The following VPS33A variants were observed in gnomAD, a reference collection of about 807,000 sequenced individuals.
VPS33A encodes the protein vacuolar protein sorting-associated protein 33A.
A neutral mutation model predicts 71.8 loss-of-function variants in VPS33A; 32 were observed. That is an observed-to-expected ratio of 0.45 (90% CI 0.34 to 0.60). The LOEUF is 0.60. Among genes scored for constraint, VPS33A ranks in the 20% least tolerant of loss-of-function variants. The pLI, the probability that VPS33A is intolerant of heterozygous loss-of-function variation, is 0.02. For synonymous variants in VPS33A, 311 were observed against 292.7 expected, an observed-to-expected ratio of 1.06 and a Z score of -0.64; for missense variants, 625 against 748.5, an observed-to-expected ratio of 0.84 and a Z score of 1.92.
At chr12:122,241,511 G>A (rs1042418556) in intron 8 of VPS33A, among the ~76,000 whole-genome samples, 1 of 151,776 alleles carries the variant, frequency 6.6e-6, no homozygotes, top group Non-Finnish European at 1.5e-5. Flanking sequence ...CACTATGTTG[G>A]CCAGGCTGGT....
chr12:122,246,130 C>T (rs1486194894), intron 6 of VPS33A, among the ~76,000 whole-genome samples: 2 of 152,046 alleles, frequency 1.3e-5, no homozygotes, highest in African/African-American at 4.8e-5. Flanking sequence ...GCAACATGTA[C>T]CAAGTGCCTT....
intron 4 of VPS33A, among the ~76,000 whole-genome samples, chr12:122,255,707 CAAAAAAAAAAA>C (rs71082953): frequency 1.4e-4 from 5 of 35,470 alleles, no homozygotes; most frequent in African/African-American, 4.0e-4. Context: ...GACTCCGTCT[CAAAAAAAAAAA>C]AAAAAAAAAA....
rs544771968 is a variant in VPS33A, at chr12:122,253,865, G to A, written c.484-2766C>T. On this transcript the variant is annotated intron_variant, in intron 4 of 12. Transcript: ENST00000267199. Reference sequence around the variant, plus strand: ...GGTGCCCACCACCATGCCTGGCTAAGTTTTTGTGTTTTTAATAGAGATGGG... The same window carrying A: ...GGTGCCCACCACCATGCCTGGCTAAATTTTTGTGTTTTTAATAGAGATGGG... 2.2e-4 allele frequency among the ~76,000 whole-genome samples: 34 copies of A among 151,892 alleles called. 1 individual carries two copies. The East Asian group carries it at 4.3e-3, about 19-fold the overall frequency.
chr12:122,245,789 A>G (rs1220400382), intron 6 of VPS33A, among the ~76,000 whole-genome samples: 3 of 152,190 alleles, frequency 2.0e-5, no homozygotes, highest in Non-Finnish European at 4.4e-5. Context: ...ACATGGCCAC[A>G]GCTATTCTTT....
chr12:122,261,412 A>T lies in VPS33A; in HGVS notation c.332T>A (p.Ile111Asn). 1 of 1,613,824 alleles carries T rather than the reference A, an allele frequency of 6.2e-7. No individual in the cohort carries two copies. Among genetic ancestry groups the T allele is most frequent in the Non-Finnish European group, 8.5e-7 (1 of 1,179,940 alleles). The change falls in exon 4 of 13, where the codon ATT becomes AAT. Residue 111 changes from isoleucine (I) to asparagine (N), a missense_variant. Physicochemically the swap from Ile to Asn is moderately radical, Grantham distance 149. Transcript: ENST00000267199. ...DRRGPTRDFH[I>N]LFVPRRSLLC... ...CAGGCTACGGCGTGGCACAAACAGA[A>T]TATGAAAATCTCTCGTTGGGCCTCG...
rs1226023727 is a variant in VPS33A, at chr12:122,266,480, G to C, written c.-72C>G. On this transcript the variant is annotated 5_prime_UTR_variant, in exon 1 of 13. Transcript: ENST00000267199. ...TTCCTACGGGAGGACCACGGACGCA[G>C]TCACGTGACCAAACGTCCACGTGAC... The C allele has an allele frequency of 1.9e-6, 3 of 1,560,386 alleles. No individual in the cohort carries two copies. The highest frequency in any genetic ancestry group is 2.6e-6 in the Non-Finnish European group (3 of 1,147,202).
chr12:122,241,149 A>G (rs1954708765), intron 8 of VPS33A: 1 of 151,882 alleles, frequency 6.6e-6, no homozygotes, highest in African/African-American at 2.4e-5. Context: ...AAAAAAAAAA[A>G]AGAAAAAAAG....
chr12:122,237,539 T>TC (rs201249902), intron 10 of VPS33A, among the ~76,000 whole-genome samples: 5,136 of 144,534 alleles, frequency 0.036, 310 homozygotes, highest in African/African-American at 0.12. Flanking sequence ...TTTTTCTTTT[T>TC]TTTTTTTTTT....
intron 4 of VPS33A, among the ~76,000 whole-genome samples, chr12:122,257,968 T>TA (rs1419696640): frequency 6.6e-6 from 1 of 152,040 alleles, no homozygotes; most frequent in Non-Finnish European, 1.5e-5. Flanking sequence ...ATGAGGAAAA[T>TA]ACAGTCTTTT....
intron 5 of VPS33A, 52 bp downstream of exon 5, chr12:122,250,930 CT>C: frequency 1.5e-6 from 2 of 1,343,450 alleles, no homozygotes; most frequent in Non-Finnish European, 2.1e-6. Flanking sequence ...TTCCTCCTCC[CT>C]TTTGGGGTGT....
intron 2 of VPS33A, 87 bp downstream of exon 2, chr12:122,264,047 T>C (rs1592934922): frequency 9.1e-6 from 11 of 1,209,502 alleles, no homozygotes; most frequent in Non-Finnish European, 1.3e-5. Context: ...TGCAAACCAA[T>C]GATTCAGGAA....
intron 2 of VPS33A, 59 bp from the exon 3 acceptor site, chr12:122,263,758 A>C (rs1013213399): frequency 1.3e-6 from 2 of 1,500,832 alleles, no homozygotes; most frequent in Middle Eastern, 1.8e-4. Flanking sequence ...TATAATTTTC[A>C]GACTCAGAAA....
intron 1 of VPS33A, 33 bp from the exon 2 acceptor site, chr12:122,264,232 G>C: frequency 6.9e-7 from 1 of 1,451,954 alleles, no homozygotes; most frequent in Non-Finnish European, 9.3e-7. Context: ...TCTTATTATA[G>C]TTAATATCAG....
chr12:122,232,339 C>G lies in VPS33A; in HGVS notation c.1698G>C (p.Gln566His), dbSNP rs781643343. The change falls in exon 13 of 13, where the codon CAG becomes CAC. Residue 566 changes from glutamine (Q) to histidine (H), a missense_variant. Coordinates refer to ENST00000267199, the MANE Select transcript of VPS33A (RefSeq NM_022916.6). ...CATATTCTGTACCTCCATCTTCCAA[C>G]TGGGAGAGAAATCGCAGGGCAGCAA... ...AEIAALRFLS[Q>H]LEDGGTEYVI... The G allele has an allele frequency of 6.2e-7, 1 of 1,614,220 alleles. No individual in the cohort carries two copies. The highest frequency in any genetic ancestry group is 2.2e-5 in the East Asian group (1 of 44,890).
Position 122,232,143 on chromosome 12 carries a change from C to T in VPS33A, c.*103G>A. On this transcript the variant is annotated 3_prime_UTR_variant, in exon 13 of 13. Coordinates refer to ENST00000267199, the MANE Select transcript of VPS33A (RefSeq NM_022916.6). ...TAAGAAGCTGACCCCAGAATATATT[C>T]TGTATTCCCATGTTTCTTCTATGGG... 1 of 1,105,316 alleles carries T rather than the reference C, an allele frequency of 9.0e-7. No homozygotes were observed. The highest frequency in any genetic ancestry group is 1.3e-6 in the Non-Finnish European group (1 of 773,458). The allele number at this position is 1,105,316 out of a possible 1,614,324, so 68.5% of individuals were successfully genotyped here.
Position 122,251,078 on chromosome 12 carries a change from G to C in VPS33A, c.505C>G (p.Gln169Glu). The C allele has an allele frequency of 6.2e-7, 1 of 1,613,802 alleles. No homozygotes were observed. Among genetic ancestry groups the C allele is most frequent in the East Asian group, 2.2e-5 (1 of 44,878 alleles). The change falls in exon 5 of 13, where the codon CAG becomes GAG. Residue 169 changes from glutamine (Q) to glutamate (E), a missense_variant. Coordinates refer to ENST00000267199, the MANE Select transcript of VPS33A (RefSeq NM_022916.6). ...TTGGCTGCGTGGTACAGGCTCGTCT[G>C]GTCACCCTCCAGGTAGCACTCCTGT... ...AFKECYLEGD[Q>E]TSLYHAAKGL...
chr12:122,255,121 T>A (rs1954899609), intron 4 of VPS33A, among the ~76,000 whole-genome samples: 1 of 152,106 alleles, frequency 6.6e-6, no homozygotes, highest in Non-Finnish European at 1.5e-5. Context: ...AAACAGGTTA[T>A]TTCTCCTCTG....
intron 4 of VPS33A, among the ~76,000 whole-genome samples, chr12:122,255,240 A>C (rs1188350155): frequency 1.3e-5 from 2 of 152,246 alleles, no homozygotes; most frequent in African/African-American, 4.8e-5. Context: ...GTATGTGATA[A>C]AGCACATATA....
chr12:122,256,016 G>A (rs1315701797), intron 4 of VPS33A, among the ~76,000 whole-genome samples: 4 of 151,972 alleles, frequency 2.6e-5, no homozygotes, highest in Non-Finnish European at 4.4e-5. Context: ...GGCTGGTCTC[G>A]AACTCCTGGC....
Sources: gnomAD v4.1 joint callset for allele counts (sites outside exome capture counted in the v4.1 genomes callset) on GRCh38, gnomAD v4.1.1 for gene constraint, MANE v1.5 for transcripts, NCBI Gene and HGNC (gene_info 2026-07-23, HGNC 2026-07-21) for gene names.